ZNF395: variants seen among roughly 807,000 people sequenced by gnomAD.
ZNF395 encodes the protein zinc finger protein 395.
In ZNF395, 20 loss-of-function variants were observed where a neutral mutation model predicts 57.7. The observed-to-expected ratio is 0.35, with a 90% CI of 0.24 to 0.50. ZNF395 has a LOEUF of 0.50. Ranked by LOEUF, ZNF395 falls within the 20% of genes least tolerant of loss-of-function variation. ZNF395 has a pLI of 0.97. For synonymous variants in ZNF395, 295 were observed against 275.9 expected (o/e 1.07, Z -0.69); for missense variants, 606 against 671.2 (o/e 0.90, Z 1.07).
intron 1 of ZNF395, among the ~76,000 whole-genome samples, chr8:28,364,094 T>A (rs1252204092): frequency 1.3e-5 from 2 of 152,234 alleles, no homozygotes; most frequent in African/African-American, 4.8e-5. Context: ...ATAAATTGTA[T>A]CTAATTTAAT....
chr8:28,356,958 T>C lies in ZNF395; in HGVS notation c.474-179A>G, dbSNP rs956382912. ...GTGTGCTCAGATCATATAAACTCAG[T>C]GAAACATGAAGGTCTCCCCTTCTTC... On this transcript the variant is annotated intron_variant, in intron 3 of 9. Transcript: ENST00000344423. The surrounding 1 kb of genome is among the most constrained non-coding windows in gnomAD (Gnocchi z 4.0). Among the ~76,000 whole-genome samples, 9 of 152,092 alleles carry C rather than the reference T, an allele frequency of 5.9e-5. No homozygotes were observed. Among genetic ancestry groups the C allele is most frequent in the Non-Finnish European group, 1.0e-4 (7 of 68,014 alleles).
In ZNF395 at chr8:28,360,966, G is replaced by A. The variant is rs965293530; in HGVS notation, c.159C>T (p.Pro53=). ...PQPFTTSDDT[P]CQEQPKEVLK... is the part of the protein sequence containing the mutation. ...GGACTTCCTTGGGCTGCTCCTGGCA[G>A]GGGGTGTCATCAGAGGTGGTGAAAG... is the stretch of plus-strand genomic sequence containing the variant. The change falls in exon 2 of 10, where the codon CCC becomes CCT. Residue 53 remains proline, a synonymous_variant. Transcript: ENST00000344423. 12 of 1,613,458 alleles carry A rather than the reference G, an allele frequency of 7.4e-6. No individual in the cohort carries two copies. Among genetic ancestry groups the A allele is most frequent in the African/African-American group, 6.7e-5 (5 of 74,938 alleles).
chr8:28,349,214 C>T lies in ZNF395; in HGVS notation c.1341G>A (p.Ser447=), dbSNP rs760152054. The T allele has an allele frequency of 9.0e-6, 14 of 1,549,300 alleles. No homozygotes were observed. In the Middle Eastern group the frequency reaches 6.9e-4, roughly 77 times the overall value. ...ACSLSPVRSR[S]LSFSEPQQPA... ...GCTGCTGGGGCTCGCTGAAGCTTAG[C>T]GACCGGCTCCGGACCTGGGCGTGGG... The change falls in exon 9 of 10, where the codon TCG becomes TCA. Residue 447 remains serine, a synonymous_variant. Transcript: ENST00000344423.
Position 28,361,193 on chromosome 8 carries a change from C to G in ZNF395, c.-58-11G>C. 1 of 1,601,366 alleles carries G rather than the reference C, an allele frequency of 6.2e-7. No individual in the cohort carries two copies. Among genetic ancestry groups the G allele is most frequent in the Non-Finnish European group, 8.5e-7 (1 of 1,179,206 alleles). ...GCCTCTGCCCATCACCTGGGGGAAT[C>G]AGGAAGCTTTCAGGAGGGAGCCCCA... On this transcript the variant is annotated splice_polypyrimidine_tract_variant and intron_variant, in intron 1 of 9. Coordinates refer to ENST00000344423, the MANE Select transcript of ZNF395 (RefSeq NM_018660.3).
Position 28,356,317 on chromosome 8 carries a change from T to C in ZNF395, c.583+353A>G, listed in dbSNP as rs1038869032. 1.3e-5 allele frequency among the ~76,000 whole-genome samples: 2 copies of C among 152,238 alleles called. No individual in the cohort carries two copies. The highest frequency in any genetic ancestry group is 1.3e-4 in the Admixed American group (2 of 15,284). The stretch of plus-strand genomic sequence containing the variant: ...GAGGCCACTAGGAGACCATTTAGCA[T>C]ATTGCTACTTTGTGAACTAAATATT... On this transcript the variant is annotated intron_variant, in intron 4 of 9. Coordinates refer to ENST00000344423, the MANE Select transcript of ZNF395 (RefSeq NM_018660.3). This position sits in a 1 kb window ranked among gnomAD's most constrained non-coding sequence, Gnocchi z 4.0.
At chr8:28,349,445 G>A (rs1801650844) in intron 8 of ZNF395, among the ~76,000 whole-genome samples, 1 of 152,180 alleles carries the variant, frequency 6.6e-6, no homozygotes, top group South Asian at 2.1e-4. Flanking sequence ...ACAAGGACAG[G>A]GGAGCCACTG....
chr8:28,370,283 T>C (rs1008247699), intron 1 of ZNF395, among the ~76,000 whole-genome samples: 1 of 151,688 alleles, frequency 6.6e-6, no homozygotes, highest in African/African-American at 2.4e-5. Context: ...TCAGCCTTAG[T>C]GACGAGAAGA....
intron 1 of ZNF395, among the ~76,000 whole-genome samples, chr8:28,381,293 A>C (rs899851020): frequency 6.6e-6 from 1 of 152,096 alleles, no homozygotes; most frequent in African/African-American, 2.4e-5. Context: ...CGCCCGCCTC[A>C]GCCTCCCAAA....
chr8:28,359,835 A>AG lies in ZNF395; in HGVS notation c.241-12dup, dbSNP rs761211087. On this transcript the variant is annotated splice_polypyrimidine_tract_variant and intron_variant, in intron 2 of 9. Transcript: ENST00000344423. The surrounding 1 kb of genome is among the most constrained non-coding windows in gnomAD (Gnocchi z 4.7). ...GTACCACACATAAACCTGTGGGAAG[A>AG]GGGACAGCAGTTAGTGGTCAGCCCT... The AG allele has an allele frequency of 2.5e-6, 4 of 1,610,396 alleles. No homozygotes were observed. Among genetic ancestry groups the AG allele is most frequent in the African/African-American group, 2.7e-5 (2 of 74,966 alleles).
At position 28,347,546 on chromosome 8, in the gene ZNF395, G is replaced by C. The variant is rs1801620237; in HGVS notation, c.*1173C>G. On this transcript the variant is annotated 3_prime_UTR_variant, in exon 10 of 10. Transcript: ENST00000344423. ...CCCAGGCTCCCCTAGATCCCTGGAG[G>C]CTCCAGAAACACCAAGGGCCAAAAC... 6.6e-6 allele frequency: 1 copy of C among 152,244 alleles called. No homozygotes were observed. Among genetic ancestry groups the C allele is most frequent in the Admixed American group, 6.5e-5 (1 of 15,270 alleles). The allele number at this position is 152,244 out of a possible 1,614,324, so 9.4% of individuals were successfully genotyped here.
At chr8:28,364,653 CAA>C (rs1221074238) in intron 1 of ZNF395, among the ~76,000 whole-genome samples, 20 of 44,116 alleles carry the variant, frequency 4.5e-4, no homozygotes, top group African/African-American at 1.2e-3. Context: ...GACTCCGTCT[CAA>C]AAAAAAAAAA....
At chr8:28,351,365 C>G in intron 7 of ZNF395, 130 bp downstream of exon 7, 2 of 996,932 alleles carry the variant, frequency 2.0e-6, no homozygotes, top group Non-Finnish European at 1.4e-6. Flanking sequence ...CCTTTTGTTT[C>G]CTTGTAGAAG....
chr8:28,360,956 G>C lies in ZNF395; in HGVS notation c.169C>G (p.Gln57Glu). 6.2e-7 allele frequency: 1 copy of C among 1,613,786 alleles called. No individual in the cohort carries two copies. Among genetic ancestry groups the C allele is most frequent in the South Asian group, 1.1e-5 (1 of 91,078 alleles). Residue 57 changes from glutamine to glutamate, a missense_variant, in exon 2 of 10, where the codon CAG (glutamine) becomes GAG (glutamate). Physicochemically the swap from Gln to Glu is conservative, Grantham distance 29 (BLOSUM62 2). Around this residue, in one of 3 missense-constraint regions of ZNF395, gnomAD observed 309 missense variants for 374.7 expected, o/e 0.82. Transcript: ENST00000344423. ...GGAGCCTTAAGGACTTCCTTGGGCT[G>C]CTCCTGGCAGGGGGTGTCATCAGAG... ...TTSDDTPCQE[Q>E]PKEVLKAPST...
chr8:28,349,012 G>T, intron 9 of ZNF395, 113 bp downstream of exon 9: 1 of 1,204,136 alleles, frequency 8.3e-7, no homozygotes, highest in Non-Finnish European at 1.2e-6. Flanking sequence ...CCGCCATCTG[G>T]GCTCCTCTCT....
rs1232806962 is a variant in ZNF395 at position 28,386,404 on chromosome 8, C to G, written c.-70G>C. On this transcript the variant is annotated 5_prime_UTR_variant, in exon 1 of 10. Coordinates refer to ENST00000344423, the MANE Select transcript of ZNF395 (RefSeq NM_018660.3). The stretch of plus-strand genomic sequence containing the variant: ...CCTGGGCTACACACCCCCGGCCGCC[C>G]GTAGACAGTCGGCGCTCAATAAGTG... 1 of 150,976 alleles carries G rather than the reference C, an allele frequency of 6.6e-6. No individual in the cohort carries two copies. The highest frequency in any genetic ancestry group is 2.4e-5 in the African/African-American group (1 of 41,034). The allele number at this position is 150,976 out of a possible 1,614,324, so 9.4% of individuals were successfully genotyped here.
chr8:28,363,756 G>A (rs1002350229), intron 1 of ZNF395, among the ~76,000 whole-genome samples: 1 of 152,136 alleles, frequency 6.6e-6, no homozygotes, highest in Non-Finnish European at 1.5e-5. Context: ...GTCTTCAGAC[G>A]GCGCCTGAAA....
At chr8:28,362,749 G>A (rs1224412290) in intron 1 of ZNF395, among the ~76,000 whole-genome samples, 5 of 152,128 alleles carry the variant, frequency 3.3e-5, no homozygotes, top group African/African-American at 7.2e-5. Context: ...AGGTATGTTC[G>A]CAAACATCTC....
chr8:28,372,173 T>C (rs1358796111), intron 1 of ZNF395, among the ~76,000 whole-genome samples: 1 of 152,124 alleles, frequency 6.6e-6, no homozygotes, highest in Non-Finnish European at 1.5e-5. Context: ...TCCCAGAGGA[T>C]AATTTGGGGC....
At chr8:28,381,014 A>AGTGTGTGT (rs10561721) in intron 1 of ZNF395, among the ~76,000 whole-genome samples, 7,144 of 134,174 alleles carry the variant, frequency 0.053, 230 homozygotes, top group Admixed American at 0.069. Context: ...ACACCCTGCT[A>AGTGTGTGT]GTGTGTGTGT....
Sources: gnomAD v4.1 joint callset for allele counts (sites outside exome capture counted in the v4.1 genomes callset) on GRCh38, gnomAD v4.1.1 for gene constraint, gnomAD v4.1.1 regional missense constraint, Gnocchi (gnomAD v3.1) non-coding constraint, MANE v1.5 for transcripts, NCBI Gene and HGNC (gene_info 2026-07-23, HGNC 2026-07-21) for gene names.